DNAAF8: variants seen among roughly 807,000 people sequenced by gnomAD.
DNAAF8 encodes dynein axonemal-associated protein 1.
Under a neutral mutation model 54.6 loss-of-function variants are expected in DNAAF8, and 61 were observed. That is an observed-to-expected ratio of 1.12 (90% CI 0.91 to 1.38). The LOEUF (loss-of-function observed/expected upper bound fraction) is 1.38, where lower values mean the gene tolerates loss of function less well. Among genes scored for constraint, DNAAF8 ranks in the 40% most tolerant of loss-of-function variants. The probability of loss-of-function intolerance (pLI) is 0.00; values close to 1 mark genes in which losing one functional copy is unlikely to be tolerated. For synonymous variants in DNAAF8, 320 were observed against 270.1 expected (o/e 1.18, Z -1.81); for missense variants, 837 against 665.0 (o/e 1.26, Z -2.85).
At chr16:4,739,394 T>C (rs930132977) in intron 3 of DNAAF8, among the ~76,000 whole-genome samples, 22 of 149,780 alleles carry the variant, frequency 1.5e-4, no homozygotes, top group African/African-American at 5.2e-4. Context: ...TAGCTTGGGG[T>C]ATGAATTTCT....
chr16:4,736,279 GAACACA>G (rs2081899131), intron 1 of DNAAF8, among the ~76,000 whole-genome samples, 179 bp from the exon 2 acceptor site: 1 of 114,812 alleles, frequency 8.7e-6, no homozygotes, highest in Non-Finnish European at 1.9e-5. Flanking sequence ...GCATGAGTGG[GAACACA>G]CACACACACG....
chr16:4,739,265 G>GGTTTTTTTTTTCTTTTTTTTTTTTTT (rs1555482695), intron 3 of DNAAF8, among the ~76,000 whole-genome samples: 1 of 69,030 alleles, frequency 1.4e-5, no homozygotes, highest in Non-Finnish European at 2.6e-5. Context: ...ATTTTTTCTT[G>GGTTTTTTTTTTCTTTTTTTTTTTTTT]TTTTTTTTTT....
chr16:4,736,030 T>C (rs185159373), intron 1 of DNAAF8, among the ~76,000 whole-genome samples: 68 of 139,660 alleles, frequency 4.9e-4, no homozygotes, highest in Admixed American at 2.8e-3. Context: ...AAATTCCCCC[T>C]GATTCAGAGT....
Position 4,740,490 on chromosome 16 carries a change from AGAT to A in DNAAF8, c.618_620del (p.Met206del). ...CGGGCCCTCCGACAGGAGAGAAGGA[AGAT>A]GATAGAGACGGACATCCTCCAGAAA... On this transcript the variant is annotated inframe_deletion, in exon 4 of 10. Transcript: ENST00000299320. 1 of 1,614,096 alleles carries A rather than the reference AGAT, an allele frequency of 6.2e-7. No homozygotes were observed. Among genetic ancestry groups the A allele is most frequent in the South Asian group, 1.1e-5 (1 of 91,086 alleles).
chr16:4,738,820 A>G (rs2579667), intron 3 of DNAAF8, among the ~76,000 whole-genome samples: 87,809 of 151,276 alleles, frequency 0.58, 25,677 homozygotes, highest in East Asian at 0.68. Flanking sequence ...GGGAGCAGAG[A>G]TGGCAGTGAG....
At chr16:4,742,972 G>C in intron 4 of DNAAF8, 71 bp from the exon 5 acceptor site, 1 of 1,213,404 alleles carries the variant, frequency 8.2e-7, no homozygotes, top group Non-Finnish European at 1.2e-6. Flanking sequence ...GGTCACAGCA[G>C]CTGTGAAGCA....
At chr16:4,746,294 ACT>A (rs2082016759) in intron 6 of DNAAF8, 79 bp from the exon 7 acceptor site, 5 of 1,429,426 alleles carry the variant, frequency 3.5e-6, no homozygotes, top group Middle Eastern at 3.6e-4. Context: ...AGCCACGAGC[ACT>A]GTGACTGGAC....
intron 1 of DNAAF8, 81 bp from the exon 2 acceptor site, chr16:4,736,383 T>C: frequency 9.2e-7 from 1 of 1,084,182 alleles, no homozygotes; most frequent in East Asian, 3.0e-5. Flanking sequence ...CTGTTTGGTC[T>C]CCTACAGCTG....
chr16:4,737,964 G>C lies in DNAAF8; in HGVS notation c.276+18G>C. On this transcript the variant is annotated intron_variant, in intron 3 of 9. Coordinates refer to ENST00000299320, the MANE Select transcript of DNAAF8 (RefSeq NM_139170.3). ...TTCCCGAGGTCTGTGGGACACAGAA[G>C]AGTATACGCCTGTGTGTGTGCGATG... 1 of 1,612,824 alleles carries C rather than the reference G, an allele frequency of 6.2e-7. No individual in the cohort carries two copies. Among genetic ancestry groups the C allele is most frequent in the Non-Finnish European group, 8.5e-7 (1 of 1,178,854 alleles).
chr16:4,746,360 C>CT lies in DNAAF8; in HGVS notation c.1044-11dup. 1 of 1,607,160 alleles carries CT rather than the reference C, an allele frequency of 6.2e-7. No homozygotes were observed. ...CAGAGAACTGACTCCACAACACCTG[C>CT]TTTTCTCATTTCAGATGTGCCTCAA... On this transcript the variant is annotated splice_polypyrimidine_tract_variant and intron_variant, in intron 6 of 9. Coordinates refer to ENST00000299320, the MANE Select transcript of DNAAF8 (RefSeq NM_139170.3).
At position 4,737,946 on chromosome 16, in the gene DNAAF8, G is replaced by C. The variant is rs1341815611; in HGVS notation, c.276G>C (p.Glu92Asp). Residue 92 changes from glutamate to aspartate, a missense_variant and splice_region_variant, in exon 3 of 10, where the codon GAG (glutamate) becomes GAC (aspartate). Transcript: ENST00000299320. ...CTGCAGCTGAAGAGTCCCTTCCCGA[G>C]GTCTGTGGGACACAGAAGAGTATAC... is the stretch of plus-strand genomic sequence containing the variant. Reference protein sequence around the residue: ...WVAAAEESLPEPVLVPAELAT... With the variant: ...WVAAAEESLPDPVLVPAELAT... 6.2e-7 allele frequency: 1 copy of C among 1,614,120 alleles called. No homozygotes were observed. The highest frequency in any genetic ancestry group is 1.1e-5 in the South Asian group (1 of 91,078).
intron 1 of DNAAF8, chr16:4,735,396 G>C (rs565372626): frequency 6.6e-6 from 1 of 152,306 alleles, no homozygotes; most frequent in Middle Eastern, 3.4e-3. Flanking sequence ...CAGAAGTACA[G>C]AGGAAGCAAG....
At chr16:4,739,226 A>C (rs1229861357) in intron 3 of DNAAF8, among the ~76,000 whole-genome samples, 1 of 143,500 alleles carries the variant, frequency 7.0e-6, no homozygotes, top group Non-Finnish European at 1.5e-5. Context: ...CATTTTTACA[A>C]TCAATTACTT....
In DNAAF8 at chr16:4,740,653, G is replaced by A. The variant is rs375519353; in HGVS notation, c.777G>A (p.Ser259=). Residue 259 remains serine (S), a synonymous_variant, in exon 4 of 10, where the codon TCG becomes TCA. Transcript: ENST00000299320. ...VEPPEGPPVL[S]LQQLEAWDLD... is the part of the protein sequence containing the mutation. ...CTCCGGAGGGACCACCAGTGCTCTC[G>A]CTCCAGGTAGGCGCCTCCCCGTGCC... is the stretch of plus-strand genomic sequence containing the variant. The A allele has an allele frequency of 2.0e-5, 32 of 1,593,240 alleles. No homozygotes were observed. The African/African-American group carries it at 3.0e-4, about 15-fold the overall frequency.
In DNAAF8 at chr16:4,740,589, C is replaced by A. The variant is rs575594583; in HGVS notation, c.713C>A (p.Ala238Glu). The change falls in exon 4 of 10, where the codon GCG becomes GAG. Residue 238 changes from alanine to glutamate, a missense_variant. By Grantham distance (107) the Ala-to-Glu change is moderately radical. Coordinates refer to ENST00000299320, the MANE Select transcript of DNAAF8 (RefSeq NM_139170.3). ...GGVKEAPCHAAESAPRSKMPL... is the reference protein window; with the variant it reads ...GGVKEAPCHAEESAPRSKMPL... ...GTGAAGGAGGCGCCCTGCCACGCTG[C>A]GGAGTCAGCTCCCAGATCCAAAATG... 1.9e-6 allele frequency: 3 copies of A among 1,613,246 alleles called. No individual in the cohort carries two copies. The Admixed American group carries it at 5.0e-5, about 27-fold the overall frequency.
chr16:4,745,271 A>G (rs1043553464), intron 6 of DNAAF8, among the ~76,000 whole-genome samples: 6 of 152,152 alleles, frequency 3.9e-5, no homozygotes, highest in Admixed American at 6.5e-5. Flanking sequence ...CCCAAACCCA[A>G]CGGGAACCCT....
intron 2 of DNAAF8, among the ~76,000 whole-genome samples, chr16:4,737,241 C>G (rs1287803297): frequency 1.3e-5 from 2 of 152,150 alleles, no homozygotes; most frequent in Non-Finnish European, 2.9e-5. Context: ...GGTTTGGGTC[C>G]TACCTGGGCA....
At chr16:4,743,373 G>A (rs906390437) in intron 5 of DNAAF8, 3 of 461,844 alleles carry the variant, frequency 6.5e-6, no homozygotes, top group Non-Finnish European at 1.1e-5. Context: ...GCCAGGCGTG[G>A]GCCAGGTCCT....
intron 1 of DNAAF8, chr16:4,735,095 C>T (rs1271738194): frequency 1.3e-5 from 2 of 152,372 alleles, no homozygotes; most frequent in African/African-American, 2.4e-5. Flanking sequence ...CAGCAACTGA[C>T]ACTTTCTTCC....
Sources: allele counts gnomAD v4.1 joint callset (sites outside exome capture counted in the v4.1 genomes callset), GRCh38; gene constraint gnomAD v4.1.1; transcripts MANE v1.5; gene names NCBI Gene and HGNC (gene_info 2026-07-23, HGNC 2026-07-21).